The following DIAPH2 variants were observed in gnomAD, a reference collection of about 807,000 sequenced individuals.
DIAPH2 encodes protein diaphanous homolog 2.
Under a neutral mutation model 92.7 loss-of-function variants are expected in DIAPH2, and 35 were observed. The ratio of observed to expected loss-of-function variants is 0.38; its 90% CI spans 0.29 to 0.50. The LOEUF is 0.50. Ranked by LOEUF, DIAPH2 falls within the 20% of genes least tolerant of loss-of-function variation. DIAPH2 has a pLI of 0.94. For missense variants in DIAPH2, 701 were observed against 819.5 expected, an observed-to-expected ratio of 0.86 and a Z score of 1.77; for synonymous variants, 301 against 280.4, an observed-to-expected ratio of 1.07 and a Z score of -0.73.
At chrX:96,685,222 G>A in intron 1 of DIAPH2, 32 bp downstream of exon 1, 1 of 985,869 alleles carries the variant, frequency 1.0e-6, no homozygotes, top group Non-Finnish European at 1.3e-6. Context: ...GCCGGCCTTA[G>A]GGACAGGGAG....
In DIAPH2 at chrX:97,106,999, C is replaced by A. The variant is rs754282429; in HGVS notation, c.2349+7204C>A. The stretch of plus-strand genomic sequence containing the variant: ...GTTTTCAGAAAGGTGTTTTAAAATT[C>A]TTGCCTAACTTTTTAGTGTGATTCT... On this transcript the variant is annotated intron_variant, in intron 20 of 26. Coordinates refer to ENST00000324765, the MANE Select transcript of DIAPH2 (RefSeq NM_006729.5). Among the ~76,000 whole-genome samples, 7 of 111,599 alleles carry A rather than the reference C, an allele frequency of 6.3e-5. No individual in the cohort carries two copies. The South Asian group carries it at 2.3e-3, about 36-fold the overall frequency.
intron 26 of DIAPH2, among the ~76,000 whole-genome samples, chrX:97,476,603 T>C (rs888993219): frequency 4.5e-5 from 5 of 111,295 alleles, no homozygotes; most frequent in African/African-American, 1.6e-4. Flanking sequence ...GTATGAAATA[T>C]GACTTCAAAA....
At chrX:96,785,475 C>CT (rs1157552270) in intron 4 of DIAPH2, among the ~76,000 whole-genome samples, 3,345 of 56,966 alleles carry the variant, frequency 0.059, 131 homozygotes, top group East Asian at 0.12. Context: ...CCAAACTTGC[C>CT]TTTTTTTTTT....
intron 17 of DIAPH2, among the ~76,000 whole-genome samples, chrX:96,998,351 TG>T (rs1056616450): frequency 9.0e-6 from 1 of 111,481 alleles, no homozygotes; most frequent in African/African-American, 3.3e-5. Flanking sequence ...AGCAGATTTT[TG>T]AATTGGGGGG....
chrX:96,697,777 C>T (rs1377680920), intron 1 of DIAPH2, among the ~76,000 whole-genome samples: 1 of 111,322 alleles, frequency 9.0e-6, no homozygotes, highest in Admixed American at 9.6e-5. Context: ...CCTAGTGGTT[C>T]TCTAGACTGG....
intron 19 of DIAPH2, among the ~76,000 whole-genome samples, chrX:97,078,081 T>C (rs769194534): frequency 9.0e-6 from 1 of 111,631 alleles, no homozygotes; most frequent in Non-Finnish European, 1.9e-5. Context: ...AAAACAGAAA[T>C]ATGTATAGAC....
chrX:97,049,454 C>T (rs970463928), intron 17 of DIAPH2, among the ~76,000 whole-genome samples: 2 of 110,950 alleles, frequency 1.8e-5, no homozygotes, highest in African/African-American at 3.3e-5. Context: ...TAGCTTCAAT[C>T]ATCTGCTATG....
At chrX:96,901,917 C>G (rs1191800546) in intron 5 of DIAPH2, among the ~76,000 whole-genome samples, 1 of 111,519 alleles carries the variant, frequency 9.0e-6, no homozygotes, top group Admixed American at 9.6e-5. Flanking sequence ...TTGATATAGA[C>G]ATTTAGCACT....
At chrX:97,164,987 G>A (rs1262190301) in intron 22 of DIAPH2, among the ~76,000 whole-genome samples, 1 of 112,271 alleles carries the variant, frequency 8.9e-6, no homozygotes, top group African/African-American at 3.2e-5. Flanking sequence ...GACACATTTC[G>A]TGCATTGTAT....
chrX:97,245,305 C>CTTATTTAT (rs759962311), intron 22 of DIAPH2, among the ~76,000 whole-genome samples: 18 of 108,646 alleles, frequency 1.7e-4, no homozygotes, highest in African/African-American at 5.4e-4. Flanking sequence ...ACCCAGCTTG[C>CTTATTTAT]TTATTTATTT....
In DIAPH2 at chrX:97,123,838, A is replaced by G. The variant is rs763327828; in HGVS notation, c.2589+8873A>G. On this transcript the variant is annotated intron_variant, in intron 21 of 26. Coordinates refer to ENST00000324765, the MANE Select transcript of DIAPH2 (RefSeq NM_006729.5). ...TGTGTGCTTTGAAGATTGTCCTTCA[A>G]TTAGCAAGTCAGTGCTTTATCCCAC... Among the ~76,000 whole-genome samples, 3 of 112,800 alleles carry G rather than the reference A, an allele frequency of 2.7e-5. No homozygotes were observed. In the South Asian group the frequency reaches 1.1e-3, roughly 41 times the overall value.
intron 26 of DIAPH2, among the ~76,000 whole-genome samples, chrX:97,507,075 C>T (rs1381231486): frequency 9.8e-6 from 1 of 101,981 alleles, no homozygotes; most frequent in Non-Finnish European, 1.9e-5. Context: ...CCATCTGGCC[C>T]TTCACAAGGA....
intron 22 of DIAPH2, among the ~76,000 whole-genome samples, chrX:97,240,605 C>CAAAAAAAAAAAAA (rs774748522): frequency 1.0e-4 from 7 of 67,946 alleles, no homozygotes; most frequent in African/African-American, 4.0e-4. Flanking sequence ...GACTGCATCT[C>CAAAAAAAAAAAAA]AAAAAAAAAA....
chrX:96,899,126 G>A (rs1008469207), intron 5 of DIAPH2, among the ~76,000 whole-genome samples: 4 of 110,658 alleles, frequency 3.6e-5, no homozygotes, highest in African/African-American at 1.3e-4. Context: ...TTTGGTTACT[G>A]TAGGCTTGTA....
chrX:97,563,539 G>T (rs1191089067), intron 26 of DIAPH2, among the ~76,000 whole-genome samples: 1 of 111,200 alleles, frequency 9.0e-6, no homozygotes, highest in African/African-American at 3.3e-5. Flanking sequence ...TTACTCTGAG[G>T]CCTCAATAAA....
chrX:97,539,047 G>T (rs1456844685), intron 26 of DIAPH2, among the ~76,000 whole-genome samples: 1 of 111,805 alleles, frequency 8.9e-6, no homozygotes, highest in Non-Finnish European at 1.9e-5. Context: ...TTAGAAAGAA[G>T]AAGAAAAAAA....
intron 22 of DIAPH2, among the ~76,000 whole-genome samples, chrX:97,233,710 T>C (rs1256340704): frequency 8.9e-6 from 1 of 112,069 alleles, no homozygotes; most frequent in Non-Finnish European, 1.9e-5. Context: ...GGCTGATTTT[T>C]CCTTTTATAC....
At chrX:97,452,200 C>T (rs956481772) in intron 26 of DIAPH2, among the ~76,000 whole-genome samples, 1 of 111,242 alleles carries the variant, frequency 9.0e-6, no homozygotes, top group Admixed American at 9.6e-5. Context: ...CTAAGAAATA[C>T]AACTTGTGCA....
At chrX:96,847,463 C>A (rs968602885) in intron 4 of DIAPH2, among the ~76,000 whole-genome samples, 4 of 111,548 alleles carry the variant, frequency 3.6e-5, no homozygotes, top group Admixed American at 1.9e-4. Context: ...AGTGACAGAA[C>A]CTTGGTTTCT....
Sources: gnomAD v4.1 joint callset for allele counts (sites outside exome capture counted in the v4.1 genomes callset) on GRCh38, gnomAD v4.1.1 for gene constraint, MANE v1.5 for transcripts, NCBI Gene and HGNC (gene_info 2026-07-23, HGNC 2026-07-21) for gene names.